PI15: variants seen among roughly 807,000 people sequenced by gnomAD.
PI15 encodes the protein peptidase inhibitor 15.
In PI15, 18 loss-of-function variants were observed where a neutral mutation model predicts 31.0. The ratio of observed to expected loss-of-function variants is 0.58; its 90% confidence interval spans 0.40 to 0.86. The LOEUF (loss-of-function observed/expected upper bound fraction) is 0.86. Among genes scored for constraint, PI15 ranks in the 40% least tolerant of loss-of-function variants. The pLI, the probability that PI15 is intolerant of heterozygous loss-of-function variation, is 0.00. For missense variants in PI15, 282 were observed against 328.1 expected (o/e 0.86, Z 1.09); for synonymous variants, 118 against 119.1 (o/e 0.99, Z 0.06).
Position 74,852,807 on chromosome 8 carries a change from G to T in PI15, c.*3554G>T, listed in dbSNP as rs562542394. 1.2e-4 allele frequency: 18 copies of T among 152,042 alleles called. No homozygotes were observed. Among genetic ancestry groups the T allele is most frequent in the Non-Finnish European group, 2.2e-4 (15 of 67,952 alleles). The allele number at this position is 152,042 out of a possible 1,614,324, so 9.4% of individuals were successfully genotyped here. ...CACAAGCTAAACATAATTTGAATGGGTCTATGAAGGAAAAATAATGCTTAG... is the reference window on the plus strand; with the variant it reads ...CACAAGCTAAACATAATTTGAATGGTTCTATGAAGGAAAAATAATGCTTAG... On this transcript the variant is annotated 3_prime_UTR_variant, in exon 6 of 6. Coordinates refer to ENST00000260113, the MANE Select transcript of PI15 (RefSeq NM_015886.5).
chr8:74,831,750 G>GATTCC (rs1810785076), intron 2 of PI15, among the ~76,000 whole-genome samples: 1 of 152,054 alleles, frequency 6.6e-6, no homozygotes, highest in African/African-American at 2.4e-5. Context: ...CTTCCAGAAG[G>GATTCC]AATGATTTTA....
At chr8:74,829,299 A>G (rs886688358) in intron 2 of PI15, among the ~76,000 whole-genome samples, 4 of 152,132 alleles carry the variant, frequency 2.6e-5, no homozygotes, top group African/African-American at 9.7e-5. Flanking sequence ...TCTAAAAAAA[A>G]CCATATAGAT....
chr8:74,838,067 G>A (rs1356426222), intron 2 of PI15, among the ~76,000 whole-genome samples: 1 of 151,670 alleles, frequency 6.6e-6, no homozygotes, highest in Non-Finnish European at 1.5e-5. Flanking sequence ...TTCTTAAACT[G>A]CATGTATAGG....
rs948401133 is a variant in PI15 at position 74,853,176 on chromosome 8, C to T, written c.*3923C>T. The T allele has an allele frequency of 6.6e-6, 1 of 152,570 alleles. No homozygotes were observed. Among genetic ancestry groups the T allele is most frequent in the Non-Finnish European group, 1.5e-5 (1 of 67,974 alleles). 9.5% of individuals were successfully genotyped at this position (152,570 alleles called of 1,614,324 possible). ...TGCTGAAAACACGTTACAATTACCA[C>T]ATATCCTTGCTATAAGTTTTGAAGT... On this transcript the variant is annotated 3_prime_UTR_variant, in exon 6 of 6. Transcript: ENST00000260113.
intron 5 of PI15, 34 bp downstream of exon 5, chr8:74,845,531 CT>C: frequency 5.2e-6 from 7 of 1,337,314 alleles, no homozygotes; most frequent in African/African-American, 1.4e-5. Flanking sequence ...TTCCTGGATC[CT>C]TTAAAGACGT....
In PI15 at chr8:74,844,093, C is replaced by A. The variant is rs957776786; in HGVS notation, c.386C>A (p.Thr129Asn). Residue 129 changes from threonine (T) to asparagine (N), a missense_variant, in exon 3 of 6, where the codon ACT becomes AAT. Coordinates refer to ENST00000260113, the MANE Select transcript of PI15 (RefSeq NM_015886.5). The stretch of plus-strand genomic sequence containing the variant: ...TTGGGCCAAAATCTATCTGTACGCA[C>A]TGGAAGGTAGGAAGTAATTTCACTG... Reference protein sequence around the residue: ...RFLGQNLSVRTGRYRSILQLV... With the variant: ...RFLGQNLSVRNGRYRSILQLV... The A allele has an allele frequency of 1.0e-5, 14 of 1,386,592 alleles. No homozygotes were observed. The highest frequency in any genetic ancestry group is 1.0e-4 in the Admixed American group (6 of 59,726). 85.9% of individuals were successfully genotyped at this position (1,386,592 alleles called of 1,614,324 possible).
intron 2 of PI15, among the ~76,000 whole-genome samples, chr8:74,834,027 T>C (rs1459870260): frequency 6.6e-6 from 1 of 152,128 alleles, no homozygotes; most frequent in East Asian, 1.9e-4. Context: ...ATCTAGGTTG[T>C]GCACTCCTTA....
chr8:74,846,886 T>TA (rs1811034364), intron 5 of PI15, among the ~76,000 whole-genome samples: 1 of 152,068 alleles, frequency 6.6e-6, no homozygotes, highest in African/African-American at 2.4e-5. Flanking sequence ...TAGAATAGCA[T>TA]AAAATAAAAG....
rs560313678 is a variant in PI15 at position 74,855,018 on chromosome 8, G to T, written c.*5765G>T. On this transcript the variant is annotated 3_prime_UTR_variant, in exon 6 of 6. Coordinates refer to ENST00000260113, the MANE Select transcript of PI15 (RefSeq NM_015886.5). ...TGTATTGTTTTTTCTTTCAATAAAA[G>T]AGTATAATTAATTGGTTGTTTTTGA... The T allele has an allele frequency of 6.2e-5, 8 of 128,106 alleles. No individual in the cohort carries two copies. The highest frequency in any genetic ancestry group is 1.9e-4 in the African/African-American group (6 of 30,908). The allele number at this position is 128,106 out of a possible 1,614,324, so 7.9% of individuals were successfully genotyped here.
At position 74,845,179 on chromosome 8, in the gene PI15, T is replaced by A. The variant is rs201192273; in HGVS notation, c.444T>A (p.Asp148Glu). The A allele has an allele frequency of 1.2e-6, 2 of 1,612,586 alleles. No individual in the cohort carries two copies. The highest frequency in any genetic ancestry group is 1.1e-5 in the South Asian group (1 of 91,058). Residue 148 changes from aspartate to glutamate, a missense_variant, in exon 4 of 6, where the codon GAT becomes GAA. By Grantham distance (45) the Asp-to-Glu change is conservative. Coordinates refer to ENST00000260113, the MANE Select transcript of PI15 (RefSeq NM_015886.5). ...LVKPWYDEVK[D>E]YAFPYPQDCN... is the part of the protein sequence containing the mutation. ...AGCCATGGTATGATGAAGTGAAAGA[T>A]TATGCTTTTCCATATCCCCAGGATT...
At position 74,853,867 on chromosome 8, in the gene PI15, T is replaced by C. The variant is rs944420821; in HGVS notation, c.*4614T>C. On this transcript the variant is annotated 3_prime_UTR_variant, in exon 6 of 6. Coordinates refer to ENST00000260113, the MANE Select transcript of PI15 (RefSeq NM_015886.5). ...TTTTTCTGAATTAATTAGGTATTGG[T>C]AAAATATATTTTTAAATTTAGTTAG... The C allele has an allele frequency of 1.3e-5, 2 of 151,932 alleles. No individual in the cohort carries two copies. Among genetic ancestry groups the C allele is most frequent in the African/African-American group, 4.8e-5 (2 of 41,402 alleles). The allele number at this position is 151,932 out of a possible 1,614,324, so 9.4% of individuals were successfully genotyped here.
intron 2 of PI15, among the ~76,000 whole-genome samples, chr8:74,827,357 A>T (rs1810714446): frequency 6.6e-6 from 1 of 152,158 alleles, no homozygotes; most frequent in South Asian, 2.1e-4. Context: ...ACACAGTATA[A>T]GTAGGTTGAA....
chr8:74,843,567 A>C (rs1051739115), intron 2 of PI15, among the ~76,000 whole-genome samples: 1 of 152,194 alleles, frequency 6.6e-6, no homozygotes, highest in Non-Finnish European at 1.5e-5. Flanking sequence ...GTCTCTACTA[A>C]AAATCACAAA....
At chr8:74,838,956 C>T (rs1036246641) in intron 2 of PI15, among the ~76,000 whole-genome samples, 1 of 152,204 alleles carries the variant, frequency 6.6e-6, no homozygotes, top group African/African-American at 2.4e-5. Flanking sequence ...GTTGATAAGA[C>T]AGCCTCATAT....
intron 2 of PI15, among the ~76,000 whole-genome samples, chr8:74,839,007 T>C (rs752386738): frequency 3.3e-5 from 5 of 152,268 alleles, no homozygotes; most frequent in Non-Finnish European, 5.9e-5. Flanking sequence ...TGTCTACTTA[T>C]GGAAGTCCGC....
Position 74,853,256 on chromosome 8 carries a change from T to C in PI15, c.*4003T>C, listed in dbSNP as rs1415323645. On this transcript the variant is annotated 3_prime_UTR_variant, in exon 6 of 6. Transcript: ENST00000260113. ...TGTGAACTGTCAGTATCTATTCTGG[T>C]GCTAAATGTATGGTGCTAAATGAAT... 6.6e-6 allele frequency: 1 copy of C among 152,516 alleles called. No homozygotes were observed. The highest frequency in any genetic ancestry group is 1.5e-5 in the Non-Finnish European group (1 of 67,960). 9.4% of individuals were successfully genotyped at this position (152,516 alleles called of 1,614,324 possible). A position where few individuals can be genotyped will look rare whatever the true frequency, so the allele number is the denominator to read the frequency against.
chr8:74,844,712 T>G (rs2128765907), intron 3 of PI15: 1 of 179,378 alleles, frequency 5.6e-6, no homozygotes, highest in Non-Finnish European at 1.2e-5. Flanking sequence ...GTGCTATTAT[T>G]AAAACTAAGG....
intron 2 of PI15, among the ~76,000 whole-genome samples, chr8:74,836,916 T>C (rs1225569608): frequency 3.9e-5 from 6 of 152,144 alleles, no homozygotes; most frequent in African/African-American, 1.2e-4. Context: ...TCAAGGAATT[T>C]TGTTGTAAAA....
At position 74,853,977 on chromosome 8, in the gene PI15, C is replaced by T. The variant is rs1227201094; in HGVS notation, c.*4724C>T. On this transcript the variant is annotated 3_prime_UTR_variant, in exon 6 of 6. Transcript: ENST00000260113. ...GAAGTGATCATTTATTTTTATTTAG[C>T]ACAGGTCATAAGAAAAATATATAGA... 1 of 151,712 alleles carries T rather than the reference C, an allele frequency of 6.6e-6. No homozygotes were observed. Among genetic ancestry groups the T allele is most frequent in the East Asian group, 1.9e-4 (1 of 5,180 alleles). 9.4% of individuals were successfully genotyped at this position (151,712 alleles called of 1,614,324 possible).
Sources: gnomAD v4.1 joint callset for allele counts (sites outside exome capture counted in the v4.1 genomes callset) on GRCh38, gnomAD v4.1.1 for gene constraint, MANE v1.5 for transcripts, NCBI Gene and HGNC (gene_info 2026-07-23, HGNC 2026-07-21) for gene names.